DBT: variants seen among roughly 807,000 people sequenced by gnomAD.
DBT encodes lipoamide acyltransferase component of branched-chain alpha-keto acid dehydrogenase complex, mitochondrial.
In DBT, 40 loss-of-function variants were observed where a neutral mutation model predicts 51.3. The observed-to-expected ratio is 0.78, with a 90% CI of 0.61 to 1.02. DBT has a LOEUF of 1.02. Ranked by LOEUF, DBT falls within the 50% of genes least tolerant of loss-of-function variation. The pLI is 0.00. For missense variants in DBT, 510 were observed against 580.2 expected (o/e 0.88, Z 1.24); for synonymous variants, 181 against 190.4 (o/e 0.95, Z 0.41).
intron 1 of DBT, among the ~76,000 whole-genome samples, chr1:100,243,619 G>A (rs1032490637): frequency 2.6e-5 from 4 of 152,036 alleles, no homozygotes; most frequent in Admixed American, 6.5e-5. Flanking sequence ...CATGGTGCCC[G>A]GCCCAGACAT....
At chr1:100,218,111 T>C (rs946880022) in intron 5 of DBT, among the ~76,000 whole-genome samples, 6 of 152,194 alleles carry the variant, frequency 3.9e-5, no homozygotes, top group Admixed American at 3.3e-4. Context: ...CCTCCTTGCC[T>C]CAAAGCAGTA....
intron 4 of DBT, among the ~76,000 whole-genome samples, chr1:100,221,971 G>A (rs1557952130): frequency 6.6e-6 from 1 of 152,174 alleles, no homozygotes; most frequent in Non-Finnish European, 1.5e-5. Context: ...GTATTCAAGT[G>A]TGTTTGGAAG....
chr1:100,218,590 T>C, intron 5 of DBT, 36 bp downstream of exon 5: 1 of 1,611,858 alleles, frequency 6.2e-7, no homozygotes, highest in Non-Finnish European at 8.5e-7. Context: ...GTACACTTCC[T>C]ATACAATCTC....
rs1328458787 is a variant in DBT, at chr1:100,188,868, G to C, written c.*7387C>G. 1 of 152,262 alleles carries C rather than the reference G, an allele frequency of 6.6e-6. No homozygotes were observed. Among genetic ancestry groups the C allele is most frequent in the Non-Finnish European group, 1.5e-5 (1 of 68,138 alleles). The allele number at this position is 152,262 out of a possible 1,614,324, so 9.4% of individuals were successfully genotyped here. ...TCTCCTGCTCAGTTTTAGCAAGCTG[G>C]CCTGGAGTTCTCTCACACGGTCTGG... On this transcript the variant is annotated 3_prime_UTR_variant, in exon 11 of 11. Transcript: ENST00000370132.
intron 2 of DBT, among the ~76,000 whole-genome samples, chr1:100,239,905 TG>T (rs1482859981): frequency 3.3e-5 from 5 of 149,804 alleles, no homozygotes; most frequent in African/African-American, 1.2e-4. Context: ...AAGGCTGACT[TG>T]GGGTCTGCCT....
intron 4 of DBT, among the ~76,000 whole-genome samples, chr1:100,219,274 C>T (rs1662689712): frequency 6.6e-6 from 1 of 151,990 alleles, no homozygotes; most frequent in East Asian, 1.9e-4. Context: ...ATTGCTTGAG[C>T]CCAGGAGGTC....
chr1:100,230,506 T>C (rs1376650218), intron 4 of DBT, among the ~76,000 whole-genome samples: 1 of 152,150 alleles, frequency 6.6e-6, no homozygotes, highest in East Asian at 1.9e-4. Flanking sequence ...CTATTGCCTT[T>C]TCCCCCCCAC....
At chr1:100,214,614 C>T (rs544788875) in intron 7 of DBT, among the ~76,000 whole-genome samples, 1 of 152,158 alleles carries the variant, frequency 6.6e-6, no homozygotes, top group African/African-American at 2.4e-5. Flanking sequence ...ATTAGCCAGG[C>T]GTGGTGGCAG....
At position 100,216,936 on chromosome 1, in the gene DBT, A is replaced by G. The variant is rs188886926; in HGVS notation, c.556-737T>C. ...TAGGGATAGGCCCCATTTCATTTGTATTAGTGCATCTCTAAGGATGACTAA... is the reference window on the plus strand; with the variant it reads ...TAGGGATAGGCCCCATTTCATTTGTGTTAGTGCATCTCTAAGGATGACTAA... On this transcript the variant is annotated intron_variant, in intron 5 of 10. Coordinates refer to ENST00000370132, the MANE Select transcript of DBT (RefSeq NM_001918.5). 2.9e-4 allele frequency among the ~76,000 whole-genome samples: 44 copies of G among 152,300 alleles called. No individual in the cohort carries two copies. In the East Asian group the frequency reaches 7.7e-3, roughly 27 times the overall value.
chr1:100,213,217 T>C (rs1175463296), intron 7 of DBT: 5 of 745,566 alleles, frequency 6.7e-6, no homozygotes, highest in Non-Finnish European at 9.4e-6. Context: ...GCCCCGCGTC[T>C]GCCTCAGAGG....
chr1:100,228,612 T>C (rs1663352120), intron 4 of DBT, among the ~76,000 whole-genome samples: 1 of 151,944 alleles, frequency 6.6e-6, no homozygotes, highest in African/African-American at 2.4e-5. Flanking sequence ...ATACAAATAT[T>C]AGCCAGGCAC....
At chr1:100,225,841 A>AAAAT (rs945822153) in intron 4 of DBT, among the ~76,000 whole-genome samples, 2 of 151,266 alleles carry the variant, frequency 1.3e-5, no homozygotes, top group African/African-American at 4.9e-5. Flanking sequence ...AAAAAAAAAA[A>AAAAT]AAAAAAATCA....
At chr1:100,221,055 T>C (rs1413094058) in intron 4 of DBT, among the ~76,000 whole-genome samples, 1 of 152,176 alleles carries the variant, frequency 6.6e-6, no homozygotes, top group Non-Finnish European at 1.5e-5. Flanking sequence ...AGAGAATGTA[T>C]AAATATCCAA....
intron 10 of DBT, among the ~76,000 whole-genome samples, chr1:100,201,173 T>A (rs1219331413): frequency 6.6e-6 from 1 of 152,022 alleles, no homozygotes; most frequent in African/African-American, 2.4e-5. Flanking sequence ...TTAGAGGAAT[T>A]GCTAACTAGA....
At chr1:100,215,064 ATGG>A in intron 6 of DBT, 81 bp from the exon 7 acceptor site, 1 of 1,000,918 alleles carries the variant, frequency 1.0e-6, no homozygotes, top group Non-Finnish European at 1.5e-6. Context: ...AGAAACTAAA[ATGG>A]AAGGTTCTCT....
rs1660784526 is a variant in DBT at position 100,191,062 on chromosome 1, C to T, written c.*5193G>A. The T allele has an allele frequency of 6.6e-6, 1 of 152,102 alleles. No homozygotes were observed. The highest frequency in any genetic ancestry group is 2.4e-5 in the African/African-American group (1 of 41,396). The allele number at this position is 152,102 out of a possible 1,614,324, so 9.4% of individuals were successfully genotyped here. On this transcript the variant is annotated 3_prime_UTR_variant, in exon 11 of 11. Coordinates refer to ENST00000370132, the MANE Select transcript of DBT (RefSeq NM_001918.5). ...GAGTTCTGTTAATCTTCTGTTTGACCAAATAACTAGGATTGGGAATTTTAA... is the reference window on the plus strand; with the variant it reads ...GAGTTCTGTTAATCTTCTGTTTGACTAAATAACTAGGATTGGGAATTTTAA...
intron 10 of DBT, among the ~76,000 whole-genome samples, chr1:100,205,780 AAG>A (rs1330267921): frequency 6.6e-6 from 1 of 152,232 alleles, no homozygotes; most frequent in East Asian, 1.9e-4. Flanking sequence ...AGCCATAAAA[AAG>A]AGTGAGTTCA....
At chr1:100,225,090 CACACAT>C (rs1321257627) in intron 4 of DBT, among the ~76,000 whole-genome samples, 23 of 139,104 alleles carry the variant, frequency 1.7e-4, no homozygotes, top group Non-Finnish European at 3.1e-4. Context: ...CACACACACA[CACACAT>C]ATAATCTGAT....
chr1:100,240,232 T>G (rs1405044321), intron 2 of DBT, among the ~76,000 whole-genome samples: 3 of 152,192 alleles, frequency 2.0e-5, no homozygotes. Flanking sequence ...AATACCACAA[T>G]GTGTATGCCA....
Sources: allele counts gnomAD v4.1 joint callset (sites outside exome capture counted in the v4.1 genomes callset), GRCh38; gene constraint gnomAD v4.1.1; transcripts MANE v1.5; gene names NCBI Gene and HGNC (gene_info 2026-07-23, HGNC 2026-07-21).